RECQL5: variants seen among roughly 807,000 people sequenced by gnomAD.
RECQL5 encodes the protein RecQ like helicase 5.
In RECQL5, 88 loss-of-function variants were observed where a neutral mutation model predicts 103.4. That is an observed-to-expected ratio of 0.85 (90% CI 0.72 to 1.02). The LOEUF is 1.02. Among genes scored for constraint, RECQL5 ranks in the 50% least tolerant of loss-of-function variants. RECQL5 has a pLI of 0.00. For synonymous variants in RECQL5, 552 were observed against 507.9 expected, an observed-to-expected ratio of 1.09 and a Z score of -1.17; for missense variants, 1,232 against 1,284.3, an observed-to-expected ratio of 0.96 and a Z score of 0.62.
intron 6 of RECQL5, among the ~76,000 whole-genome samples, chr17:75,659,903 G>A (rs2059676897): frequency 6.6e-6 from 1 of 152,142 alleles, no homozygotes; most frequent in Non-Finnish European, 1.5e-5. Context: ...GCCAGTGTGG[G>A]GCTAGGAGGC....
intron 17 of RECQL5, 80 bp downstream of exon 17, chr17:75,628,592 C>G: frequency 6.6e-7 from 1 of 1,511,088 alleles, no homozygotes; most frequent in Non-Finnish European, 8.8e-7. Flanking sequence ...TTTTCCCTGA[C>G]CCCTTGAGCA....
At position 75,631,600 on chromosome 17, in the gene RECQL5, T is replaced by C. The variant is rs1408251786; in HGVS notation, c.1298A>G (p.His433Arg). 2 of 1,612,872 alleles carry C rather than the reference T, an allele frequency of 1.2e-6. No individual in the cohort carries two copies. The highest frequency in any genetic ancestry group is 1.7e-6 in the Non-Finnish European group (2 of 1,179,872). Reference protein sequence around the residue: ...ALPACAKGCDHCQNPTAVRRR... With the variant: ...ALPACAKGCDRCQNPTAVRRR... The stretch of plus-strand genomic sequence containing the variant: ...CCGCACGGCCGTGGGGTTCTGGCAG[T>C]GGTCGCAGCCTTTGGCGCAGGCAGG... Residue 433 changes from histidine to arginine, a missense_variant, in exon 9 of 20, where the codon CAC becomes CGC. Physicochemically the swap from His to Arg is conservative, Grantham distance 29. Transcript: ENST00000317905.
Position 75,651,179 on chromosome 17 carries a change from C to T in RECQL5, c.1229+7G>A. 1 of 1,614,140 alleles carries T rather than the reference C, an allele frequency of 6.2e-7. No homozygotes were observed. The highest frequency in any genetic ancestry group is 1.3e-5 in the African/African-American group (1 of 75,028). ...ACTTTGCTCCACATATAAAATAAGT[C>T]ACTTACCCCAGTTCTTCACAGAAGG... On this transcript the variant is annotated splice_region_variant and intron_variant, in intron 8 of 19. Transcript: ENST00000317905.
In RECQL5 at chr17:75,662,463, C is replaced by A; in HGVS notation, c.771+16G>T. ...ACTGCTCTAACAGCTGCTTGGCCTC[C>A]ACCTCAATGCCTCACCCCTTTATCA... On this transcript the variant is annotated intron_variant, in intron 4 of 19. Transcript: ENST00000317905. The A allele has an allele frequency of 6.2e-7, 1 of 1,607,274 alleles. No individual in the cohort carries two copies. Among genetic ancestry groups the A allele is most frequent in the East Asian group, 2.2e-5 (1 of 44,764 alleles).
At chr17:75,633,259 G>A (rs1001459861) in intron 8 of RECQL5, among the ~76,000 whole-genome samples, 8 of 152,236 alleles carry the variant, frequency 5.3e-5, no homozygotes, top group Non-Finnish European at 8.8e-5. Flanking sequence ...CCCTCCTCAG[G>A]CCCTGACTCA....
At chr17:75,652,064 T>C (rs1288265101) in intron 7 of RECQL5, among the ~76,000 whole-genome samples, 1 of 152,042 alleles carries the variant, frequency 6.6e-6, no homozygotes, top group African/African-American at 2.4e-5. Flanking sequence ...CCATCTCTAC[T>C]AAAAATACAA....
intron 9 of RECQL5, 59 bp downstream of exon 9, chr17:75,631,391 C>T (rs889478419): frequency 1.2e-5 from 19 of 1,577,124 alleles, no homozygotes; most frequent in Admixed American, 5.0e-5. Context: ...CTGGCCCTGG[C>T]GCCAAGGGAA....
intron 3 of RECQL5, 91 bp downstream of exon 3, chr17:75,664,960 G>A: frequency 2.8e-6 from 4 of 1,417,946 alleles, no homozygotes; most frequent in Non-Finnish European, 3.7e-6. Flanking sequence ...AAAATAAGAG[G>A]CAAAAGACCA....
In RECQL5 at chr17:75,664,273, G is replaced by A. The variant is rs114793216; in HGVS notation, c.252+778C>T. ...TAGTCAGAACACCTGTAGAGCAGAT[G>A]TTAATAAGGTCCCAGACAGTTTCTC... is the stretch of plus-strand genomic sequence containing the variant. On this transcript the variant is annotated intron_variant, in intron 3 of 19. Coordinates refer to ENST00000317905, the MANE Select transcript of RECQL5 (RefSeq NM_004259.7). 4.0e-3 allele frequency among the ~76,000 whole-genome samples: 605 copies of A among 152,280 alleles called. 8 individuals are homozygous for A. The highest frequency in any genetic ancestry group is 0.014 in the African/African-American group (570 of 41,550).
chr17:75,632,817 G>A (rs2148244922), intron 8 of RECQL5, among the ~76,000 whole-genome samples: 1 of 152,358 alleles, frequency 6.6e-6, no homozygotes, highest in South Asian at 2.1e-4. Flanking sequence ...GGAAGCCCAA[G>A]AGGAGATGCT....
Position 75,627,246 on chromosome 17 carries a change from T to C in RECQL5, c.*176A>G. On this transcript the variant is annotated 3_prime_UTR_variant, in exon 20 of 20. Transcript: ENST00000317905. The stretch of plus-strand genomic sequence containing the variant: ...TAGGCTTTGCAAGCAGAAAGAAAGG[T>C]GGGCTGACCTCTGACCTGGATTCAG... 1 of 681,244 alleles carries C rather than the reference T, an allele frequency of 1.5e-6. No individual in the cohort carries two copies. Among genetic ancestry groups the C allele is most frequent in the East Asian group, 2.7e-5 (1 of 37,674 alleles). 42.2% of individuals were successfully genotyped at this position (681,244 alleles called of 1,614,324 possible).
chr17:75,629,930 A>AAGTGGGTTTCTGTGGCC, intron 14 of RECQL5, 88 bp from the exon 15 acceptor site: 1 of 1,488,168 alleles, frequency 6.7e-7, no homozygotes, highest in Non-Finnish European at 8.9e-7. Context: ...TAGGCACTAC[A>AAGTGGGTTTCTGTGGCC]AGTGGGTTTC....
chr17:75,666,988 A>T, intron 1 of RECQL5, 56 bp downstream of exon 1: 1 of 257,568 alleles, frequency 3.9e-6, no homozygotes, highest in Non-Finnish European at 7.6e-6. Context: ...TGAGCCCAAG[A>T]TCCGCAATTT....
chr17:75,629,812 C>T lies in RECQL5; in HGVS notation c.1843G>A (p.Gly615Arg), dbSNP rs1222468833. Residue 615 changes from glycine (G) to arginine (R), a missense_variant, in exon 15 of 20, where the codon GGG becomes AGG. Transcript: ENST00000317905. Reference protein sequence around the residue: ...VADIHRASKDGQPYDMGGSAK... With the variant: ...VADIHRASKDRQPYDMGGSAK... The stretch of plus-strand genomic sequence containing the variant: ...CTGCCTCCCATGTCATAGGGCTGCC[C>T]ATCCTTGGAGGCTCTGTGGATATCG... 12 of 1,613,118 alleles carry T rather than the reference C, an allele frequency of 7.4e-6. No individual in the cohort carries two copies. Among genetic ancestry groups the T allele is most frequent in the Non-Finnish European group, 1.0e-5 (12 of 1,179,582 alleles).
In RECQL5 at chr17:75,631,638, G is replaced by A. The variant is rs192546084; in HGVS notation, c.1260C>T (p.Phe420=). The change falls in exon 9 of 20, where the codon TTC becomes TTT. Residue 420 remains phenylalanine, a synonymous_variant. Transcript: ENST00000317905. The part of the protein sequence containing the change: ...GCRHAAIAKY[F]GDALPACAKG... Reference sequence around the variant, plus strand: ...TGGCGCAGGCAGGCAGCGCATCCCCGAAGTACTTGGCAATGGCGGCATGGC... The same window carrying A: ...TGGCGCAGGCAGGCAGCGCATCCCCAAAGTACTTGGCAATGGCGGCATGGC... 107 of 1,611,878 alleles carry A rather than the reference G, an allele frequency of 6.6e-5. No individual in the cohort carries two copies. The African/African-American group carries it at 7.7e-4, about 12-fold the overall frequency.
At chr17:75,635,789 G>A (rs569674576) in intron 8 of RECQL5, 8 of 985,412 alleles carry the variant, frequency 8.1e-6, no homozygotes, top group East Asian at 1.1e-4. Context: ...CTGGGGCCCC[G>A]CGCTGCCAAC....
At chr17:75,635,911 A>G in intron 8 of RECQL5, 1 of 971,098 alleles carries the variant, frequency 1.0e-6, no homozygotes, top group Non-Finnish European at 1.2e-6. Context: ...CTTCGGGACC[A>G]AGTGGCAGCT....
At chr17:75,632,607 G>A (rs560014487) in intron 8 of RECQL5, among the ~76,000 whole-genome samples, 4 of 152,226 alleles carry the variant, frequency 2.6e-5, no homozygotes, top group Non-Finnish European at 4.4e-5. Flanking sequence ...CAGCCCTCCT[G>A]GGGTGAGCGG....
Position 75,664,930 on chromosome 17 carries a change from A to AG in RECQL5, c.252+120dup, listed in dbSNP as rs2059747820. 1.2e-5 allele frequency: 15 copies of AG among 1,251,146 alleles called. No individual in the cohort carries two copies. The Admixed American group carries it at 4.2e-4, about 35-fold the overall frequency. The allele number at this position is 1,251,146 out of a possible 1,614,324, so 77.5% of individuals were successfully genotyped here. ...TCTGTCTCAAAAAAAAAAAAAAAAA[A>AG]GGAAAAAGAAAAAGAAAAGAAAATA... On this transcript the variant is annotated intron_variant, in intron 3 of 19. Transcript: ENST00000317905.
Sources: gnomAD v4.1 joint callset for allele counts (sites outside exome capture counted in the v4.1 genomes callset) on GRCh38, gnomAD v4.1.1 for gene constraint, MANE v1.5 for transcripts, NCBI Gene and HGNC (gene_info 2026-07-23, HGNC 2026-07-21) for gene names.